Variants in PTPA observed in about 807,000 individuals in gnomAD.
PTPA encodes the protein protein phosphatase 2 phosphatase activator.
Under a neutral mutation model 43.6 loss-of-function variants are expected in PTPA, and 13 were observed. The observed-to-expected ratio is 0.30, with a 90% CI of 0.19 to 0.47. The LOEUF is 0.47. Ranked by LOEUF, PTPA falls within the 20% of genes least tolerant of loss-of-function variation. The probability of loss-of-function intolerance (pLI) is 0.99; values close to 1 mark genes in which losing one functional copy is unlikely to be tolerated. For missense variants in PTPA, 329 were observed against 411.9 expected, an observed-to-expected ratio of 0.80 and a Z score of 1.74; for synonymous variants, 172 against 158.2, an observed-to-expected ratio of 1.09 and a Z score of -0.66.
intron 1 of PTPA, among the ~76,000 whole-genome samples, chr9:129,116,384 C>CTTTT (rs142067473): frequency 2.7e-4 from 29 of 107,696 alleles, no homozygotes; most frequent in African/African-American, 1.1e-3. Context: ...GACAGGGTTT[C>CTTTT]TTTTTTTTTT....
chr9:129,131,890 C>T (rs1849999603), intron 5 of PTPA, among the ~76,000 whole-genome samples: 1 of 152,168 alleles, frequency 6.6e-6, no homozygotes, highest in Non-Finnish European at 1.5e-5. Context: ...ATGGTGCTTG[C>T]GCAGCGCTGC....
At chr9:129,138,774 C>T (rs1017615889) in intron 8 of PTPA, among the ~76,000 whole-genome samples, 4 of 152,228 alleles carry the variant, frequency 2.6e-5, no homozygotes, top group South Asian at 2.1e-4. Flanking sequence ...GGTCAACATT[C>T]GGCTCAGGCT....
intron 1 of PTPA, among the ~76,000 whole-genome samples, chr9:129,118,089 G>C (rs1342566706): frequency 1.4e-5 from 2 of 143,534 alleles, no homozygotes; most frequent in African/African-American, 5.2e-5. Context: ...GTCTTGCTCT[G>C]TCAACCAGAG....
chr9:129,142,352 G>GCA (rs1719333269), intron 8 of PTPA, 93 bp from the exon 9 acceptor site: 1 of 1,130,226 alleles, frequency 8.8e-7, no homozygotes, highest in South Asian at 1.5e-5. Context: ...GTGTGTGTGT[G>GCA]TGTGCATGCA....
intron 7 of PTPA, 84 bp downstream of exon 7, chr9:129,136,679 C>A: frequency 7.0e-7 from 1 of 1,432,558 alleles, no homozygotes; most frequent in Non-Finnish European, 9.3e-7. Flanking sequence ...TGCGCTCCCT[C>A]CTTCCCTTCT....
At chr9:129,122,652 C>T (rs1032492496) in intron 2 of PTPA, among the ~76,000 whole-genome samples, 1 of 152,228 alleles carries the variant, frequency 6.6e-6, no homozygotes, top group Non-Finnish European at 1.5e-5. Context: ...AGTTAGGCTA[C>T]TGGGTCCTAG....
At chr9:129,119,926 G>C (rs998680493) in intron 1 of PTPA, among the ~76,000 whole-genome samples, 1 of 151,986 alleles carries the variant, frequency 6.6e-6, no homozygotes, top group African/African-American at 2.4e-5. Flanking sequence ...GTATGTGTCT[G>C]GTTTATTCTA....
chr9:129,143,848 T>C (rs1246742483), intron 9 of PTPA, among the ~76,000 whole-genome samples: 1 of 151,898 alleles, frequency 6.6e-6, no homozygotes, highest in Non-Finnish European at 1.5e-5. Context: ...TGTCCTGATG[T>C]TCCTGACCCC....
At chr9:129,118,848 G>A (rs1251371270) in intron 1 of PTPA, among the ~76,000 whole-genome samples, 1 of 143,186 alleles carries the variant, frequency 7.0e-6, no homozygotes, top group African/African-American at 2.6e-5. Context: ...AAACACCTTT[G>A]TGTTTCCGTG....
intron 6 of PTPA, among the ~76,000 whole-genome samples, chr9:129,135,739 G>A (rs1177133111): frequency 5.3e-5 from 8 of 152,228 alleles, no homozygotes; most frequent in Admixed American, 3.9e-4. Context: ...GGCCTGTGAC[G>A]GAGCCCAGGA....
intron 3 of PTPA, among the ~76,000 whole-genome samples, chr9:129,124,998 A>G (rs1849484278): frequency 6.6e-6 from 1 of 152,188 alleles, no homozygotes; most frequent in Non-Finnish European, 1.5e-5. Context: ...CTTGGGAGCC[A>G]GGCCCATTAG....
At chr9:129,124,648 T>C (rs1360746176) in intron 3 of PTPA, among the ~76,000 whole-genome samples, 1 of 152,226 alleles carries the variant, frequency 6.6e-6, no homozygotes, top group African/African-American at 2.4e-5. Context: ...TTGCTTTTGC[T>C]GGATGCTGTC....
At chr9:129,129,412 T>A (rs932630421) in intron 4 of PTPA, among the ~76,000 whole-genome samples, 1 of 152,118 alleles carries the variant, frequency 6.6e-6, no homozygotes, top group African/African-American at 2.4e-5. Context: ...AATAAATTAG[T>A]CCATCAATAT....
intron 2 of PTPA, among the ~76,000 whole-genome samples, chr9:129,122,126 A>C (rs1292881158): frequency 6.6e-6 from 1 of 151,766 alleles, no homozygotes; most frequent in Non-Finnish European, 1.5e-5. Context: ...TTTTTGAGAC[A>C]GGGTCTCACC....
chr9:129,111,180 C>G, upstream of PTPA: 1 of 1,139,010 alleles, frequency 8.8e-7, no homozygotes, highest in Non-Finnish European at 1.2e-6. Flanking sequence ...ACAGGTGGTA[C>G]TCCGGGACAG....
intron 9 of PTPA, chr9:129,142,772 C>T (rs1850979545): frequency 5.2e-6 from 8 of 1,536,158 alleles, no homozygotes; most frequent in Non-Finnish European, 7.0e-6. Flanking sequence ...CGAAAAGCTG[C>T]AGTCCAGCTC....
chr9:129,125,580 G>T (rs1171053898), intron 3 of PTPA, among the ~76,000 whole-genome samples: 2 of 152,010 alleles, frequency 1.3e-5, no homozygotes, highest in African/African-American at 4.8e-5. Context: ...ACTTTGGCAG[G>T]ATTGCAGTGT....
At chr9:129,113,523 C>G (rs1046543201) in intron 1 of PTPA, among the ~76,000 whole-genome samples, 1 of 151,490 alleles carries the variant, frequency 6.6e-6, no homozygotes, top group Non-Finnish European at 1.5e-5. Flanking sequence ...AATCCCAGCA[C>G]TTTGGGAGGC....
At chr9:129,145,088 T>C (rs556769922) in intron 9 of PTPA, among the ~76,000 whole-genome samples, 12 of 151,636 alleles carry the variant, frequency 7.9e-5, no homozygotes. Flanking sequence ...CCCAGCACTT[T>C]GGGAGGCCAA....
Sources: gnomAD v4.1 joint callset for allele counts (sites outside exome capture counted in the v4.1 genomes callset) on GRCh38, gnomAD v4.1.1 for gene constraint, MANE v1.5 for transcripts, NCBI Gene and HGNC (gene_info 2026-07-23, HGNC 2026-07-21) for gene names.